Variants in GAB4 observed in about 807,000 individuals in gnomAD.
The protein encoded by GAB4 is GRB2-associated-binding protein 4.
In GAB4, 26 loss-of-function variants were observed where a neutral mutation model predicts 51.3. That is an observed-to-expected ratio of 0.51 (90% confidence interval 0.37 to 0.70). The LOEUF is 0.70. GAB4 is among the 30% of genes least tolerant of loss of function. The pLI, the probability that GAB4 is intolerant of heterozygous loss-of-function variation, is 0.00. For synonymous variants in GAB4, 329 were observed against 291.2 expected (o/e 1.13, Z -1.32); for missense variants, 759 against 734.6 (o/e 1.03, Z -0.38).
intron 3 of GAB4, among the ~76,000 whole-genome samples, chr22:16,972,567 G>A (rs796889366): frequency 1.3e-5 from 2 of 152,204 alleles, no homozygotes; most frequent in Admixed American, 6.5e-5. Context: ...GGTGTCCTGC[G>A]GTAATCTCAC....
intron 8 of GAB4, among the ~76,000 whole-genome samples, chr22:16,964,191 G>A (rs568289229): frequency 6.6e-6 from 1 of 152,112 alleles, no homozygotes; most frequent in African/African-American, 2.4e-5. Context: ...AGACACGCAG[G>A]GTCCCGCAGC....
At chr22:16,985,930 C>T (rs2060863587) in intron 3 of GAB4, among the ~76,000 whole-genome samples, 1 of 152,194 alleles carries the variant, frequency 6.6e-6, no homozygotes, top group Non-Finnish European at 1.5e-5. Context: ...CATCTTAACA[C>T]AGAAATCCAT....
chr22:17,007,002 T>A (rs2061045560), intron 1 of GAB4, among the ~76,000 whole-genome samples: 1 of 151,964 alleles, frequency 6.6e-6, no homozygotes, highest in Admixed American at 6.6e-5. Context: ...ACTTAAAGTA[T>A]AATAAAAAAT....
chr22:16,989,516 G>GGCTCCACTTACA (rs1363519987), intron 2 of GAB4, among the ~76,000 whole-genome samples: 1 of 152,216 alleles, frequency 6.6e-6, no homozygotes, highest in Non-Finnish European at 1.5e-5. Flanking sequence ...TGGGAAAGAT[G>GGCTCCACTTACA]GCTCCACTTA....
chr22:16,962,639 A>G lies in GAB4; in HGVS notation c.*94T>C, dbSNP rs2060638343. ...TTGATCAGGCCTCTGCTCTCTATGT[A>G]AGGGATGCGGTCCCTGATATTACAG... is the stretch of plus-strand genomic sequence containing the variant. On this transcript the variant is annotated 3_prime_UTR_variant, in exon 10 of 10. Transcript: ENST00000400588. 8 of 1,191,754 alleles carry G rather than the reference A, an allele frequency of 6.7e-6. No individual in the cohort carries two copies. Among genetic ancestry groups the G allele is most frequent in the Non-Finnish European group, 9.3e-6 (8 of 856,254 alleles). 73.8% of individuals were successfully genotyped at this position (1,191,754 alleles called of 1,614,324 possible). A position where few individuals can be genotyped will look rare whatever the true frequency, so the allele number is the denominator to read the frequency against.
At chr22:16,973,484 C>T (rs2060750272) in intron 3 of GAB4, among the ~76,000 whole-genome samples, 1 of 152,132 alleles carries the variant, frequency 6.6e-6, no homozygotes, top group South Asian at 2.1e-4. Context: ...CATCTGCCTG[C>T]CCCAGGTCCC....
intron 3 of GAB4, among the ~76,000 whole-genome samples, chr22:16,984,137 A>T (rs984540429): frequency 1.3e-5 from 2 of 152,236 alleles, no homozygotes; most frequent in African/African-American, 4.8e-5. Context: ...TACAAAATGG[A>T]CAAAAGATCT....
intron 1 of GAB4, among the ~76,000 whole-genome samples, chr22:17,002,372 C>T (rs763648471): frequency 2.0e-5 from 3 of 152,058 alleles, no homozygotes; most frequent in East Asian, 1.9e-4. Flanking sequence ...AAATAAAATC[C>T]TTTACAGACC....
intron 4 of GAB4, among the ~76,000 whole-genome samples, chr22:16,968,785 A>T (rs181412579): frequency 3.3e-5 from 5 of 152,310 alleles, no homozygotes; most frequent in African/African-American, 1.2e-4. Flanking sequence ...TTTTATATAT[A>T]CCTCTATCAT....
At chr22:16,994,668 G>A (rs985101631) in intron 1 of GAB4, among the ~76,000 whole-genome samples, 1 of 152,146 alleles carries the variant, frequency 6.6e-6, no homozygotes, top group African/African-American at 2.4e-5. Context: ...CCTAGCTCTG[G>A]GAGGGTTTTT....
chr22:16,971,321 T>C (rs1284703409), intron 3 of GAB4, among the ~76,000 whole-genome samples: 1 of 152,222 alleles, frequency 6.6e-6, no homozygotes, highest in Admixed American at 6.5e-5. Context: ...AAGCTCTGTG[T>C]GCCTTCCTGA....
At chr22:16,989,472 T>C (rs1442760304) in intron 2 of GAB4, among the ~76,000 whole-genome samples, 1 of 152,266 alleles carries the variant, frequency 6.6e-6, no homozygotes, top group African/African-American at 2.4e-5. Flanking sequence ...AGACACGTTC[T>C]GCCAGTGAGC....
intron 5 of GAB4, 102 bp from the exon 6 acceptor site, chr22:16,966,466 T>C (rs902031767): frequency 8.2e-7 from 1 of 1,217,096 alleles, no homozygotes; most frequent in African/African-American, 1.5e-5. Flanking sequence ...CGGGGTGTTT[T>C]GAACGAAACT....
In GAB4 at chr22:16,988,096, G is replaced by C; in HGVS notation, c.550C>G (p.Gln184Glu). The change falls in exon 3 of 10, where the codon CAG becomes GAG. Residue 184 changes from glutamine to glutamate, a missense_variant. This residue lies in a region of GAB4 where 588 missense variants were observed against 510.2 expected (regional missense o/e 1.15). Coordinates refer to ENST00000400588, the MANE Select transcript of GAB4 (RefSeq NM_001037814.1). Reference protein sequence around the residue: ...SSPAEPSCSHQHLPQEQEPTS... With the variant: ...SSPAEPSCSHEHLPQEQEPTS... ...GGTTCTTGTTCTTGGGGGAGGTGCT[G>C]ATGGGAGCAGCTGGGCTCAGCTGGA... 6.2e-7 allele frequency: 1 copy of C among 1,610,774 alleles called. No homozygotes were observed. The highest frequency in any genetic ancestry group is 8.5e-7 in the Non-Finnish European group (1 of 1,178,454).
chr22:16,982,028 T>G (rs2060831239), intron 3 of GAB4, among the ~76,000 whole-genome samples: 1 of 151,996 alleles, frequency 6.6e-6, no homozygotes, highest in South Asian at 2.1e-4. Flanking sequence ...CAATAAAAAC[T>G]CTCAACAAAC....
rs1369053853 is a variant in GAB4, at chr22:16,966,217, C to A, written c.1171G>T (p.Val391Phe). The A allele has an allele frequency of 6.2e-7, 1 of 1,614,076 alleles. No individual in the cohort carries two copies. The highest frequency in any genetic ancestry group is 1.7e-5 in the Admixed American group (1 of 60,028). The change falls in exon 6 of 10, where the codon GTT becomes TTT. Residue 391 changes from valine to phenylalanine, a missense_variant. Around this residue, in one of 3 missense-constraint regions of GAB4, gnomAD observed 588 missense variants for 510.2 expected, o/e 1.15. Transcript: ENST00000400588. ...GGGGAGCCAAGCAGGTCAAAGCGAA[C>A]AAGACATGAGCCCACAGGGATGCAG... ...GVCIPVGSCL[V>F]RFDLLGSPLT...
intron 3 of GAB4, among the ~76,000 whole-genome samples, chr22:16,983,726 G>T (rs2060844578): frequency 6.6e-6 from 1 of 152,184 alleles, no homozygotes; most frequent in African/African-American, 2.4e-5. Context: ...AATAAATGGT[G>T]CTGGGAAAAA....
At chr22:16,967,522 A>G (rs1272989022) in intron 5 of GAB4, 2 of 152,372 alleles carry the variant, frequency 1.3e-5, no homozygotes, top group African/African-American at 2.4e-5. Flanking sequence ...TTCCCCAGAC[A>G]AGGAGATTCC....
chr22:16,962,680 C>A lies in GAB4; in HGVS notation c.*53G>T. The A allele has an allele frequency of 6.5e-7, 1 of 1,538,872 alleles. No homozygotes were observed. The highest frequency in any genetic ancestry group is 8.8e-7 in the Non-Finnish European group (1 of 1,134,268). On this transcript the variant is annotated 3_prime_UTR_variant, in exon 10 of 10. Coordinates refer to ENST00000400588, the MANE Select transcript of GAB4 (RefSeq NM_001037814.1). ...GATATTACAGAGCTTTAGAGTGTGG[C>A]GGAGCAGCTCTGAGGCACTGTCCTG...
Sources: allele counts gnomAD v4.1 joint callset (sites outside exome capture counted in the v4.1 genomes callset), GRCh38; gene constraint gnomAD v4.1.1; regional missense constraint gnomAD v4.1.1; transcripts MANE v1.5; gene names NCBI Gene and HGNC (gene_info 2026-07-23, HGNC 2026-07-21).